Variants in RRP12 observed in about 807,000 individuals in gnomAD.
RRP12 encodes the protein RRP12-like protein.
RRP12 carries 78 observed loss-of-function variants against 157.3 expected under a neutral mutation model. The observed-to-expected ratio is 0.50, with a 90% CI of 0.41 to 0.60. The LOEUF (loss-of-function observed/expected upper bound fraction) is 0.60, where lower values mean the gene tolerates loss of function less well. Among genes scored for constraint, RRP12 ranks in the 20% least tolerant of loss-of-function variants. RRP12 has a pLI of 0.00. For missense variants in RRP12, 1,521 were observed against 1,679.9 expected (o/e 0.91, Z 1.65); for synonymous variants, 726 against 670.9 (o/e 1.08, Z -1.27).
Position 97,357,157 on chromosome 10 carries a change from C to CA in RRP12, c.3830dup (p.Lys1278GlufsTer34). On this transcript the variant is annotated frameshift_variant, in exon 34 of 34. Transcript: ENST00000370992. LOFTEE classifies it high-confidence loss of function. Reference sequence around the variant, plus strand: ...CCTGGGAACCTCGCCGGGCAGCCTTCACCAGGCCTTTGAACTGTCCCTGCA... The same window carrying CA: ...CCTGGGAACCTCGCCGGGCAGCCTTCAACCAGGCCTTTGAACTGTCCCTGCA... 6.2e-7 allele frequency: 1 copy of CA among 1,613,426 alleles called. No homozygotes were observed. The highest frequency in any genetic ancestry group is 8.5e-7 in the Non-Finnish European group (1 of 1,179,562).
chr10:97,382,313 C>G (rs1486635515), intron 10 of RRP12, among the ~76,000 whole-genome samples: 1 of 151,932 alleles, frequency 6.6e-6, no homozygotes, highest in African/African-American at 2.4e-5. Flanking sequence ...CTCAGCTAAT[C>G]TTTTTATTTT....
intron 4 of RRP12, chr10:97,393,386 C>A: frequency 1.8e-6 from 1 of 565,402 alleles, no homozygotes; most frequent in East Asian, 4.0e-5. Context: ...AGCACGAGCT[C>A]CTGAATGTCT....
At chr10:97,393,554 G>T in intron 4 of RRP12, 130 bp downstream of exon 4, 1 of 773,290 alleles carries the variant, frequency 1.3e-6, no homozygotes, top group Non-Finnish European at 2.2e-6. Flanking sequence ...CATTCTGCAT[G>T]CCTCTAGACA....
intron 2 of RRP12, among the ~76,000 whole-genome samples, chr10:97,398,756 A>G (rs1300771733): frequency 1.3e-5 from 2 of 152,186 alleles, no homozygotes; most frequent in Admixed American, 6.6e-5. Context: ...AGTAATTCAT[A>G]GTAGGCAAAT....
intron 4 of RRP12, among the ~76,000 whole-genome samples, chr10:97,391,380 T>G (rs1229248193): frequency 1.3e-5 from 2 of 151,888 alleles, no homozygotes; most frequent in Non-Finnish European, 2.9e-5. Flanking sequence ...GAGACCAGCC[T>G]GACAAACATG....
chr10:97,393,393 G>T, intron 4 of RRP12: 1 of 574,324 alleles, frequency 1.7e-6, no homozygotes, highest in South Asian at 1.4e-5. Context: ...GCTCCTGAAT[G>T]TCTGCCTGGA....
intron 8 of RRP12, among the ~76,000 whole-genome samples, chr10:97,387,520 G>T (rs899590390): frequency 6.6e-6 from 1 of 151,494 alleles, no homozygotes; most frequent in Non-Finnish European, 1.5e-5. Flanking sequence ...TCAATCCAAG[G>T]TTGGTTGAAT....
At chr10:97,375,018 G>C (rs573624730) in intron 15 of RRP12, among the ~76,000 whole-genome samples, 22 of 152,076 alleles carry the variant, frequency 1.4e-4, no homozygotes, top group Non-Finnish European at 3.2e-4. Context: ...GCGGAGTTGG[G>C]ATATAAACCG....
At chr10:97,401,049 C>T (rs1845131892) in intron 1 of RRP12, 44 bp downstream of exon 1, 1 of 1,602,894 alleles carries the variant, frequency 6.2e-7, no homozygotes, top group African/African-American at 1.3e-5. Flanking sequence ...CCAGGTCTGC[C>T]TGGAACCCCG....
chr10:97,388,459 A>G, intron 7 of RRP12, 30 bp downstream of exon 7: 1 of 1,613,266 alleles, frequency 6.2e-7, no homozygotes, highest in Non-Finnish European at 8.5e-7. Context: ...ACTGCCTCCC[A>G]TCCACCTGCC....
At chr10:97,383,880 C>T (rs1248734978) in intron 10 of RRP12, among the ~76,000 whole-genome samples, 2 of 152,194 alleles carry the variant, frequency 1.3e-5, no homozygotes, top group Non-Finnish European at 2.9e-5. Context: ...GCAGGGCTCG[C>T]AGCCCACCTT....
Position 97,400,537 on chromosome 10 carries a change from G to A in RRP12, c.140-3C>T, listed in dbSNP as rs757072538. ...ATCGACTGTCAGGTCACTCCTTCCTGAGAGCCAGAGGCACAAGATAAGGTC... is the reference window on the plus strand; with the variant it reads ...ATCGACTGTCAGGTCACTCCTTCCTAAGAGCCAGAGGCACAAGATAAGGTC... On this transcript the variant is annotated splice_polypyrimidine_tract_variant and splice_region_variant and intron_variant, in intron 1 of 33. Coordinates refer to ENST00000370992, the MANE Select transcript of RRP12 (RefSeq NM_015179.4). 6.2e-7 allele frequency: 1 copy of A among 1,611,160 alleles called. No individual in the cohort carries two copies. The highest frequency in any genetic ancestry group is 1.1e-5 in the South Asian group (1 of 91,028).
Position 97,370,765 on chromosome 10 carries a change from C to T in RRP12, c.2534G>A (p.Arg845Lys). The change falls in exon 22 of 34, where the codon AGG (arginine) becomes AAG (lysine). Residue 845 changes from arginine to lysine, a missense_variant. Arg to Lys is a conservative substitution (Grantham distance 26). Coordinates refer to ENST00000370992, the MANE Select transcript of RRP12 (RefSeq NM_015179.4). The part of the protein sequence containing the change: ...PRLKCLLHIV[R>K]KLSAEHKEFI... ...CTCCTTGTGTTCAGCTGAGAGCTTC[C>T]TCACGATGTGTAGGAGGCACTTCAA... 6.2e-7 allele frequency: 1 copy of T among 1,614,122 alleles called. No individual in the cohort carries two copies. Among genetic ancestry groups the T allele is most frequent in the Non-Finnish European group, 8.5e-7 (1 of 1,180,006 alleles).
rs999706257 is a variant in RRP12 at position 97,358,988 on chromosome 10, G to A, written c.3663C>T (p.Arg1221=). Residue 1221 remains arginine, a synonymous_variant, in exon 32 of 34, where the codon CGC becomes CGT. Transcript: ENST00000370992. ...CAGGCATAGCCTTCTTGGCCACAGG[G>A]CGATGAATGCCAGAGCCTCCAGCTA... ...QYQAGGSGIH[R]PVAKKAMPGA... is the part of the protein sequence containing the mutation. 1 of 1,613,760 alleles carries A rather than the reference G, an allele frequency of 6.2e-7. No homozygotes were observed. The highest frequency in any genetic ancestry group is 1.3e-5 in the African/African-American group (1 of 74,926).
At chr10:97,371,801 G>A in intron 20 of RRP12, 1 of 379,592 alleles carries the variant, frequency 2.6e-6, no homozygotes, top group East Asian at 4.1e-5. Context: ...GATGGGCCTG[G>A]GGAGTGAGCC....
At chr10:97,372,856 A>C (rs946986656) in intron 18 of RRP12, 53 bp from the exon 19 acceptor site, 2 of 1,526,742 alleles carry the variant, frequency 1.3e-6, no homozygotes, top group Non-Finnish European at 8.9e-7. Flanking sequence ...GGAGCGAAAG[A>C]AAGCAGCAAT....
Position 97,396,299 on chromosome 10 carries a change from G to T in RRP12, c.372C>A (p.Ile124=). 3.1e-6 allele frequency: 5 copies of T among 1,613,318 alleles called. No individual in the cohort carries two copies. Among genetic ancestry groups the T allele is most frequent in the Non-Finnish European group, 4.2e-6 (5 of 1,179,336 alleles). The change falls in exon 3 of 34, where the codon ATC becomes ATA. Residue 124 remains isoleucine, a splice_region_variant and synonymous_variant. Coordinates refer to ENST00000370992, the MANE Select transcript of RRP12 (RefSeq NM_015179.4). ...CAGTGACAGCAGCCAGAACAGCACAGATCTGCACAGGAGGGAGAAAGCACT... is the reference window on the plus strand; with the variant it reads ...CAGTGACAGCAGCCAGAACAGCACATATCTGCACAGGAGGGAGAAAGCACT... ...WESNSAAHKE[I]CAVLAAVTEV...
chr10:97,370,986 G>A lies in RRP12; in HGVS notation c.2439C>T (p.His813=). ...GCAGTGTCTTCTTCAGGTCCTCCAG[G>A]TGGCTCTGCACGAAGAGGGCCCCGG... The part of the protein sequence containing the change: ...QGPGALFVQS[H]LEDLKKTLLD... Residue 813 remains histidine (H), a synonymous_variant, in exon 21 of 34, where the codon CAC becomes CAT. Coordinates refer to ENST00000370992, the MANE Select transcript of RRP12 (RefSeq NM_015179.4). 2 of 1,614,022 alleles carry A rather than the reference G, an allele frequency of 1.2e-6. No individual in the cohort carries two copies. The highest frequency in any genetic ancestry group is 8.5e-7 in the Non-Finnish European group (1 of 1,180,000).
In RRP12 at chr10:97,400,232, G is replaced by C. The variant is rs181837537; in HGVS notation, c.369+73C>G. 4.5e-6 allele frequency: 5 copies of C among 1,118,894 alleles called. No individual in the cohort carries two copies. In the Admixed American group the frequency reaches 9.0e-5, roughly 20 times the overall value. The allele number at this position is 1,118,894 out of a possible 1,614,324, so 69.3% of individuals were successfully genotyped here. A position where few individuals can be genotyped will look rare whatever the true frequency, so the allele number is the denominator to read the frequency against. On this transcript the variant is annotated intron_variant, in intron 2 of 33. Coordinates refer to ENST00000370992, the MANE Select transcript of RRP12 (RefSeq NM_015179.4). The stretch of plus-strand genomic sequence containing the variant: ...CAGCTGTTGTCATCGGAGACCTGTC[G>C]GCCAGAGCTGAAGAAAAGGCATGAG...
Sources: allele counts gnomAD v4.1 joint callset (sites outside exome capture counted in the v4.1 genomes callset), GRCh38; gene constraint gnomAD v4.1.1; transcripts MANE v1.5; gene names NCBI Gene and HGNC (gene_info 2026-07-23, HGNC 2026-07-21).